Variants in PAPPA observed in about 807,000 individuals in gnomAD.
PAPPA encodes pappalysin-1.
A neutral mutation model predicts 164.0 loss-of-function variants in PAPPA; 60 were observed. That is an observed-to-expected ratio of 0.37 (90% CI 0.30 to 0.45). The LOEUF (loss-of-function observed/expected upper bound fraction) is 0.45, where lower values mean the gene tolerates loss of function less well. PAPPA is among the 20% of genes least tolerant of loss of function. The pLI, the probability that PAPPA is intolerant of heterozygous loss-of-function variation, is 1.00. For synonymous variants in PAPPA, 875 were observed against 814.1 expected, an observed-to-expected ratio of 1.07 and a Z score of -1.27; for missense variants, 1,782 against 2,087.3, an observed-to-expected ratio of 0.85 and a Z score of 2.85.
At chr9:116,254,287 A>C (rs1469896218) in intron 7 of PAPPA, among the ~76,000 whole-genome samples, 2 of 152,210 alleles carry the variant, frequency 1.3e-5, no homozygotes, top group African/African-American at 4.8e-5. Context: ...GATAAGTGTA[A>C]GCATACCTAA....
intron 21 of PAPPA, among the ~76,000 whole-genome samples, chr9:116,382,921 T>A (rs10983127): frequency 4.6e-5 from 7 of 151,918 alleles, no homozygotes; most frequent in African/African-American, 1.2e-4. Context: ...AAAATCCCAG[T>A]GAGAACACAC....
Position 116,348,673 on chromosome 9 carries a change from G to A in PAPPA, c.3964+1464G>A, listed in dbSNP as rs548689033. ...CCTCCCATCCTCTTCCCTGTGATAGGCCCCAGTGTTAGTTGTTCTCCTCTA... is the reference window on the plus strand; with the variant it reads ...CCTCCCATCCTCTTCCCTGTGATAGACCCCAGTGTTAGTTGTTCTCCTCTA... On this transcript the variant is annotated intron_variant, in intron 15 of 21. Transcript: ENST00000328252. Among the ~76,000 whole-genome samples the A allele has an allele frequency of 3.3e-5, 5 of 151,898 alleles. No homozygotes were observed. In the East Asian group the frequency reaches 9.7e-4, roughly 30 times the overall value.
At chr9:116,272,962 GT>G (rs1304963391) in intron 9 of PAPPA, among the ~76,000 whole-genome samples, 6 of 152,146 alleles carry the variant, frequency 3.9e-5, no homozygotes, top group African/African-American at 1.2e-4. Context: ...CTGCACTTCT[GT>G]TGTGTGATTT....
At chr9:116,170,743 ATCCATCCATCCATTCATCTG>A (rs1242014547) in intron 1 of PAPPA, among the ~76,000 whole-genome samples, 3 of 151,218 alleles carry the variant, frequency 2.0e-5, no homozygotes, top group East Asian at 3.9e-4. Flanking sequence ...CCATCCATCT[ATCCATCCATCCATTCATCTG>A]TCCATCCATC....
chr9:116,276,954 C>G (rs962460444), intron 9 of PAPPA, among the ~76,000 whole-genome samples: 97 of 152,182 alleles, frequency 6.4e-4, no homozygotes, highest in Middle Eastern at 3.4e-3. Flanking sequence ...TCAGGCTGCT[C>G]TGGCCTGCTC....
chr9:116,178,136 C>T (rs555837182), intron 1 of PAPPA, among the ~76,000 whole-genome samples: 16 of 152,126 alleles, frequency 1.1e-4, no homozygotes, highest in Non-Finnish European at 1.5e-4. Context: ...GACGGAGTTT[C>T]GCTCTTGTTG....
In PAPPA at chr9:116,398,588, G is replaced by T. The variant is rs187711705; in HGVS notation, c.*1972G>T. 1.6e-6 allele frequency: 2 copies of T among 1,252,880 alleles called. No individual in the cohort carries two copies. Among genetic ancestry groups the T allele is most frequent in the African/African-American group, 3.1e-5 (2 of 65,220 alleles). The allele number at this position is 1,252,880 out of a possible 1,614,324, so 77.6% of individuals were successfully genotyped here. On this transcript the variant is annotated 3_prime_UTR_variant, in exon 22 of 22. Coordinates refer to ENST00000328252, the MANE Select transcript of PAPPA (RefSeq NM_002581.5). ...AAAACACTTGAGAAGACATCTATTGGCCATCTCTGGCCAATTACACTAAGA... is the reference window on the plus strand; with the variant it reads ...AAAACACTTGAGAAGACATCTATTGTCCATCTCTGGCCAATTACACTAAGA...
intron 1 of PAPPA, among the ~76,000 whole-genome samples, chr9:116,167,853 A>G (rs1843733773): frequency 6.6e-6 from 1 of 152,240 alleles, no homozygotes; most frequent in African/African-American, 2.4e-5. Flanking sequence ...CAAATTCTAA[A>G]GCTGGAGTAA....
chr9:116,185,717 G>T (rs925959921), intron 1 of PAPPA, among the ~76,000 whole-genome samples: 22 of 152,132 alleles, frequency 1.4e-4, no homozygotes, highest in Admixed American at 9.8e-4. Flanking sequence ...TTCCAGAAAG[G>T]CTAGGAAATG....
chr9:116,396,426 G>C (rs1175532462), intron 21 of PAPPA, 83 bp from the exon 22 acceptor site: 1 of 754,208 alleles, frequency 1.3e-6, no homozygotes, highest in Non-Finnish European at 2.4e-6. Context: ...CTCAAATCCA[G>C]TGATTGTATC....
At chr9:116,263,743 T>A (rs1845030786) in intron 7 of PAPPA, among the ~76,000 whole-genome samples, 1 of 152,072 alleles carries the variant, frequency 6.6e-6, no homozygotes, top group African/African-American at 2.4e-5. Context: ...GAAACACATG[T>A]TTTCTTGTCT....
chr9:116,234,367 CA>C (rs1299874680), intron 6 of PAPPA, among the ~76,000 whole-genome samples: 12 of 152,104 alleles, frequency 7.9e-5, no homozygotes, highest in Non-Finnish European at 1.8e-4. Context: ...CGGAGAAGCT[CA>C]GTGGTATGGA....
intron 20 of PAPPA, among the ~76,000 whole-genome samples, chr9:116,381,164 A>T (rs907035665): frequency 1.3e-5 from 2 of 152,152 alleles, no homozygotes; most frequent in Admixed American, 1.3e-4. Flanking sequence ...CATTAGTGGG[A>T]GTCCTGAGGC....
chr9:116,154,286 G>T lies in PAPPA; in HGVS notation c.114G>T (p.Pro38=). ...GAGACCCGCGGGCCGGCCGACCCCC[G>T]CGCCCCGCCGCCGGCCCGGCCACCT... The part of the protein sequence containing the change: ...ARRDPRAGRP[P]RPAAGPATCA... Residue 38 remains proline, a synonymous_variant, in exon 1 of 22, where the codon CCG becomes CCT. Transcript: ENST00000328252. The surrounding 1 kb of genome is among the most constrained non-coding windows in gnomAD (Gnocchi z 5.2). The T allele has an allele frequency of 1.0e-6, 1 of 983,416 alleles. No individual in the cohort carries two copies. The highest frequency in any genetic ancestry group is 1.8e-5 in the African/African-American group (1 of 56,646). The allele number at this position is 983,416 out of a possible 1,614,324, so 60.9% of individuals were successfully genotyped here. A position where few individuals can be genotyped will look rare whatever the true frequency, so the allele number is the denominator to read the frequency against.
In PAPPA at chr9:116,303,049, G is replaced by A. The variant is rs538791032; in HGVS notation, c.3147+99G>A. On this transcript the variant is annotated intron_variant, in intron 10 of 21. Coordinates refer to ENST00000328252, the MANE Select transcript of PAPPA (RefSeq NM_002581.5). ...CTCTAAGGCAGTGTCATTGGCTATA[G>A]CCACTTGAGCATATCTTTATTAAAT... 1.9e-5 allele frequency: 16 copies of A among 863,442 alleles called. No individual in the cohort carries two copies. The East Asian group carries it at 3.9e-4, about 21-fold the overall frequency. The allele number at this position is 863,442 out of a possible 1,614,324, so 53.5% of individuals were successfully genotyped here.
chr9:116,265,864 A>C lies in PAPPA; in HGVS notation c.2740A>C (p.Asn914His). The change falls in exon 8 of 22, where the codon AAT becomes CAT. Residue 914 changes from asparagine to histidine, a missense_variant. Coordinates refer to ENST00000328252, the MANE Select transcript of PAPPA (RefSeq NM_002581.5). Reference protein sequence around the residue: ...LNRKFVDMDLNLGSVYQYWVI... With the variant: ...LNRKFVDMDLHLGSVYQYWVI... ...CTTCTTTGTATTTTCCAGGGATCTA[A>C]ATCTTGGCAGTGTGTACCAGTATTG... The C allele has an allele frequency of 1.9e-6, 3 of 1,599,210 alleles. No individual in the cohort carries two copies. The highest frequency in any genetic ancestry group is 2.6e-6 in the Non-Finnish European group (3 of 1,168,032).
Position 116,302,930 on chromosome 9 carries a change from G to C in PAPPA, c.3127G>C (p.Gly1043Arg). Residue 1043 changes from glycine to arginine, a missense_variant, in exon 10 of 22, where the codon GGA becomes CGA. By Grantham distance (125) the Gly-to-Arg change is moderately radical (BLOSUM62 -2). This residue lies in a region of PAPPA where 1,324 missense variants were observed against 1,656.9 expected (regional missense o/e 0.80). Coordinates refer to ENST00000328252, the MANE Select transcript of PAPPA (RefSeq NM_002581.5). ...GCAATGCCCAGGCTGGGTCATCATC[G>C]GACAGCCAGCAGCATCCCAGGTAAG... ...DQQCPGWVII[G>R]QPAASQVCRT... The C allele has an allele frequency of 6.2e-7, 1 of 1,613,676 alleles. No homozygotes were observed. Among genetic ancestry groups the C allele is most frequent in the Non-Finnish European group, 8.5e-7 (1 of 1,179,930 alleles).
chr9:116,339,946 T>G (rs955350015), intron 13 of PAPPA, among the ~76,000 whole-genome samples: 3 of 152,138 alleles, frequency 2.0e-5, no homozygotes, highest in Non-Finnish European at 4.4e-5. Flanking sequence ...AGTCCAAAGG[T>G]AAATATATTA....
At chr9:116,357,979 G>A (rs1338706355) in intron 17 of PAPPA, among the ~76,000 whole-genome samples, 1 of 149,752 alleles carries the variant, frequency 6.7e-6, no homozygotes, top group Non-Finnish European at 1.5e-5. Context: ...GGGGTGTAGA[G>A]CTGCACTCTC....
Sources: gnomAD v4.1 joint callset for allele counts (sites outside exome capture counted in the v4.1 genomes callset) on GRCh38, gnomAD v4.1.1 for gene constraint, gnomAD v4.1.1 regional missense constraint, Gnocchi (gnomAD v3.1) non-coding constraint, MANE v1.5 for transcripts, NCBI Gene and HGNC (gene_info 2026-07-23, HGNC 2026-07-21) for gene names.